XIRP2: variants seen among roughly 807,000 people sequenced by gnomAD.
XIRP2 encodes xin actin-binding repeat-containing protein 2.
Under a neutral mutation model 277.0 loss-of-function variants are expected in XIRP2, and 236 were observed. The ratio of observed to expected loss-of-function variants is 0.85; its 90% CI spans 0.77 to 0.95. The LOEUF (loss-of-function observed/expected upper bound fraction) is 0.95, where lower values mean the gene tolerates loss of function less well. Among genes scored for constraint, XIRP2 ranks in the 40% least tolerant of loss-of-function variants. The probability of loss-of-function intolerance (pLI) is 0.00; values close to 1 mark genes in which losing one functional copy is unlikely to be tolerated. For missense variants in XIRP2, 4,640 were observed against 4,157.5 expected, an observed-to-expected ratio of 1.12 and a Z score of -3.19; for synonymous variants, 1,490 against 1,416.5, an observed-to-expected ratio of 1.05 and a Z score of -1.17.
chr2:167,255,077 T>A (rs1695620327), intron 10 of XIRP2, among the ~76,000 whole-genome samples: 1 of 151,786 alleles, frequency 6.6e-6, no homozygotes, highest in South Asian at 2.1e-4. Context: ...CTCAGGCACC[T>A]GTGTGGGGGA....
chr2:167,091,499 G>A (rs1022382464), intron 2 of XIRP2, among the ~76,000 whole-genome samples: 2 of 152,094 alleles, frequency 1.3e-5, no homozygotes, highest in Non-Finnish European at 2.9e-5. Context: ...TATAGGGACT[G>A]CCTTTTTCTC....
At chr2:167,039,067 T>G (rs1688588668) in intron 2 of XIRP2, among the ~76,000 whole-genome samples, 1 of 152,146 alleles carries the variant, frequency 6.6e-6, no homozygotes, top group Non-Finnish European at 1.5e-5. Flanking sequence ...CCAAGAACGA[T>G]TTGGTGTATT....
chr2:166,946,560 A>C (rs1474696921), intron 2 of XIRP2, among the ~76,000 whole-genome samples: 1 of 152,174 alleles, frequency 6.6e-6, no homozygotes, highest in Non-Finnish European at 1.5e-5. Flanking sequence ...GAATTAGAAA[A>C]GTGACATGGT....
chr2:167,031,712 A>C (rs1401094057), intron 2 of XIRP2, among the ~76,000 whole-genome samples: 2 of 152,096 alleles, frequency 1.3e-5, no homozygotes, highest in Non-Finnish European at 2.9e-5. Flanking sequence ...AATTGCTATA[A>C]AGATAATAAA....
At chr2:166,985,049 C>T (rs1217013923) in intron 2 of XIRP2, among the ~76,000 whole-genome samples, 1 of 152,208 alleles carries the variant, frequency 6.6e-6, no homozygotes, top group Non-Finnish European at 1.5e-5. Flanking sequence ...GTCTTTGGAA[C>T]TCTTATTGCC....
chr2:167,046,899 C>T (rs1421888776), intron 2 of XIRP2, among the ~76,000 whole-genome samples: 1 of 151,612 alleles, frequency 6.6e-6, no homozygotes, highest in Non-Finnish European at 1.5e-5. Context: ...TGTAACAAAC[C>T]TGCCTATTTA....
intron 2 of XIRP2, among the ~76,000 whole-genome samples, chr2:167,007,703 T>TCA (rs57336666): frequency 0.021 from 2,774 of 130,090 alleles, 37 homozygotes; most frequent in Middle Eastern, 0.043. Context: ...TCTCTCTCTC[T>TCA]CACACACACA....
intron 7 of XIRP2, 61 bp downstream of exon 7, chr2:167,240,797 A>C: frequency 6.9e-7 from 1 of 1,457,172 alleles, no homozygotes; most frequent in Non-Finnish European, 9.6e-7. Flanking sequence ...TTTGATTTTG[A>C]ATGGATGACT....
intron 2 of XIRP2, among the ~76,000 whole-genome samples, chr2:167,015,049 G>T (rs1687783908): frequency 6.6e-6 from 1 of 151,752 alleles, no homozygotes; most frequent in South Asian, 2.1e-4. Context: ...AGAACAATAT[G>T]CCTGGCTCCT....
At chr2:167,224,507 A>G (rs1694535752) in intron 5 of XIRP2, among the ~76,000 whole-genome samples, 1 of 151,982 alleles carries the variant, frequency 6.6e-6, no homozygotes, top group Non-Finnish European at 1.5e-5. Context: ...TGGCCTCCCA[A>G]AGTGCTGGAA....
chr2:167,132,743 T>G (rs1033656209), intron 2 of XIRP2, among the ~76,000 whole-genome samples: 2 of 152,156 alleles, frequency 1.3e-5, no homozygotes, highest in Non-Finnish European at 2.9e-5. Flanking sequence ...TGTCTTCACC[T>G]GGAAAGCTCT....
chr2:167,076,537 G>A (rs549857139), intron 2 of XIRP2, among the ~76,000 whole-genome samples: 1 of 152,294 alleles, frequency 6.6e-6, no homozygotes, highest in South Asian at 2.1e-4. Flanking sequence ...AAAGTGGAGA[G>A]GGAAGAGATT....
At position 167,245,705 on chromosome 2, in the gene XIRP2, C is replaced by G. The variant is rs1380702951; in HGVS notation, c.4313C>G (p.Thr1438Arg). The G allele has an allele frequency of 3.7e-6, 6 of 1,613,446 alleles. No homozygotes were observed. The highest frequency in any genetic ancestry group is 1.3e-5 in the African/African-American group (1 of 74,878). Residue 1438 changes from threonine to arginine, a missense_variant, in exon 9 of 11, where the codon ACA (threonine) becomes AGA (arginine). By Grantham distance (71) the Thr-to-Arg change is moderately conservative. Coordinates refer to ENST00000409195, the MANE Select transcript of XIRP2 (RefSeq NM_152381.6). ...TTTGATAAGAATAACTATATACGAACAGTAAGTGTCAATGAAATACAAAAG... is the reference window on the plus strand; with the variant it reads ...TTTGATAAGAATAACTATATACGAAGAGTAAGTGTCAATGAAATACAAAAG... ...ENFDKNNYIR[T>R]VSVNEIQKGN...
intron 4 of XIRP2, 112 bp downstream of exon 4, chr2:167,211,007 G>T: frequency 7.5e-7 from 1 of 1,330,424 alleles, no homozygotes; most frequent in South Asian, 1.5e-5. Flanking sequence ...AAAGTAGAAA[G>T]AGCACAAAAA....
intron 2 of XIRP2, among the ~76,000 whole-genome samples, chr2:167,023,900 G>A (rs1183802409): frequency 6.6e-6 from 1 of 152,144 alleles, no homozygotes; most frequent in East Asian, 1.9e-4. Context: ...GATGCCTCTG[G>A]CTGTGTTCTT....
At chr2:167,010,453 T>G (rs1259080375) in intron 2 of XIRP2, among the ~76,000 whole-genome samples, 1 of 152,120 alleles carries the variant, frequency 6.6e-6, no homozygotes, top group Non-Finnish European at 1.5e-5. Flanking sequence ...ACCAGTACCA[T>G]GCTGTTTTGG....
chr2:167,208,967 A>C (rs1026785446), intron 3 of XIRP2, among the ~76,000 whole-genome samples: 5 of 152,234 alleles, frequency 3.3e-5, no homozygotes, highest in African/African-American at 1.2e-4. Context: ...GGGAAAAATA[A>C]AGAGCTTTTC....
Position 167,059,101 on chromosome 2 carries a change from CTTTTTTTTTT to C in XIRP2, c.409-76794_409-76785del, listed in dbSNP as rs572437575. On this transcript the variant is annotated intron_variant, in intron 2 of 10. Coordinates refer to ENST00000409195, the MANE Select transcript of XIRP2 (RefSeq NM_152381.6). The stretch of plus-strand genomic sequence containing the variant: ...GCTAGAGGATTTAACTTTTTTTTCT[CTTTTTTTTTT>C]TTTTTTTTTTTTTGAGACAGAGTCC... 3.0e-4 allele frequency among the ~76,000 whole-genome samples: 29 copies of C among 95,954 alleles called. No homozygotes were observed. In the South Asian group the frequency reaches 7.7e-3, roughly 25 times the overall value. The allele number at this position is 95,954 out of a possible 152,430, so 62.9% of individuals were successfully genotyped here.
At chr2:167,077,441 A>C (rs532671905) in intron 2 of XIRP2, among the ~76,000 whole-genome samples, 1 of 152,298 alleles carries the variant, frequency 6.6e-6, no homozygotes, top group African/African-American at 2.4e-5. Context: ...CAGTTAAAAA[A>C]AAAAGGCAAA....
Sources: gnomAD v4.1 joint callset for allele counts (sites outside exome capture counted in the v4.1 genomes callset) on GRCh38, gnomAD v4.1.1 for gene constraint, MANE v1.5 for transcripts, NCBI Gene and HGNC (gene_info 2026-07-23, HGNC 2026-07-21) for gene names.